Variants in CACNA2D3 observed in about 807,000 individuals in gnomAD.
CACNA2D3 encodes calcium voltage-gated channel auxiliary subunit alpha2delta 3, also known as voltage-dependent calcium channel subunit alpha-2/delta-3.
Under a neutral mutation model 160.6 loss-of-function variants are expected in CACNA2D3, and 60 were observed. The observed-to-expected ratio is 0.37, with a 90% CI of 0.30 to 0.46. CACNA2D3 has a LOEUF of 0.46. Ranked by LOEUF, CACNA2D3 falls within the 20% of genes least tolerant of loss-of-function variation. The probability of loss-of-function intolerance (pLI) is 1.00; values close to 1 mark genes in which losing one functional copy is unlikely to be tolerated. For synonymous variants in CACNA2D3, 558 were observed against 492.9 expected (o/e 1.13, Z -1.75); for missense variants, 1,205 against 1,365.0 (o/e 0.88, Z 1.85).
chr3:54,979,775 A>C (rs74691118), intron 29 of CACNA2D3, among the ~76,000 whole-genome samples: 3,508 of 152,272 alleles, frequency 0.023, 82 homozygotes, highest in South Asian at 0.032. Flanking sequence ...CATTATCAGA[A>C]ATCTGCATTC....
chr3:54,883,482 C>T (rs1043227767), intron 21 of CACNA2D3, among the ~76,000 whole-genome samples: 1 of 152,038 alleles, frequency 6.6e-6, no homozygotes, highest in Non-Finnish European at 1.5e-5. Flanking sequence ...TCCTTGGTGC[C>T]CTAGGAACCC....
intron 11 of CACNA2D3, among the ~76,000 whole-genome samples, chr3:54,723,210 A>T (rs912639527): frequency 3.3e-5 from 5 of 152,260 alleles, no homozygotes; most frequent in Non-Finnish European, 7.3e-5. Context: ...CCACCTACTC[A>T]AGCCTCAGCA....
At chr3:54,811,266 A>G (rs1448947978) in intron 13 of CACNA2D3, among the ~76,000 whole-genome samples, 1 of 152,020 alleles carries the variant, frequency 6.6e-6, no homozygotes, top group Non-Finnish European at 1.5e-5. Flanking sequence ...TCATCTTCTC[A>G]GTATGCCTCT....
intron 2 of CACNA2D3, among the ~76,000 whole-genome samples, chr3:54,264,472 A>G (rs1026629444): frequency 6.6e-6 from 1 of 152,216 alleles, no homozygotes; most frequent in East Asian, 1.9e-4. Context: ...TCAAGGGAGC[A>G]TGCTCATCTT....
rs1303595176 is a variant in CACNA2D3, at chr3:54,305,948, G to A, written c.205-14494G>A. 2.0e-5 allele frequency among the ~76,000 whole-genome samples: 3 copies of A among 152,210 alleles called. No individual in the cohort carries two copies. In the East Asian group the frequency reaches 5.8e-4, roughly 29 times the overall value. On this transcript the variant is annotated intron_variant, in intron 2 of 37. Coordinates refer to ENST00000474759, the MANE Select transcript of CACNA2D3 (RefSeq NM_018398.3). ...GCTGTTGCTCATCCTGGACACTGAC[G>A]ATAATGACTCTAGACTCACCACTAG...
At chr3:54,841,362 G>A (rs1356218346) in intron 16 of CACNA2D3, among the ~76,000 whole-genome samples, 1 of 152,212 alleles carries the variant, frequency 6.6e-6, no homozygotes, top group Non-Finnish European at 1.5e-5. Flanking sequence ...AAATTAACCA[G>A]CAGTGCTTGA....
At chr3:54,640,818 C>G (rs1699501072) in intron 10 of CACNA2D3, among the ~76,000 whole-genome samples, 1 of 152,176 alleles carries the variant, frequency 6.6e-6, no homozygotes, top group African/African-American at 2.4e-5. Flanking sequence ...ATCAGATCCA[C>G]CCGAACTAGC....
At chr3:54,162,857 C>T (rs1700373235) in intron 2 of CACNA2D3, among the ~76,000 whole-genome samples, 1 of 151,972 alleles carries the variant, frequency 6.6e-6, no homozygotes, top group Non-Finnish European at 1.5e-5. Context: ...GGATGAGGAA[C>T]AATGAAATTA....
chr3:54,820,077 G>T (rs1024435506), intron 14 of CACNA2D3, among the ~76,000 whole-genome samples: 1 of 152,140 alleles, frequency 6.6e-6, no homozygotes. Flanking sequence ...TGTTCCAGGG[G>T]TGAAAGAGAG....
intron 11 of CACNA2D3, among the ~76,000 whole-genome samples, chr3:54,696,084 C>G (rs969323501): frequency 6.6e-6 from 1 of 152,066 alleles, no homozygotes; most frequent in Non-Finnish European, 1.5e-5. Context: ...TGGCCAGGGT[C>G]GGGGAGTGGG....
intron 17 of CACNA2D3, among the ~76,000 whole-genome samples, chr3:54,859,731 G>T (rs532515870): frequency 3.3e-5 from 5 of 152,170 alleles, no homozygotes; most frequent in Admixed American, 6.5e-5. Flanking sequence ...CTCCAACCTG[G>T]TAGCCTCTGG....
At chr3:54,300,564 T>C (rs61027914) in intron 2 of CACNA2D3, among the ~76,000 whole-genome samples, 20,830 of 152,252 alleles carry the variant, frequency 0.14, 1,492 homozygotes, top group East Asian at 0.23. Context: ...ATTCATGCCT[T>C]TTCTCCCTGT....
intron 3 of CACNA2D3, among the ~76,000 whole-genome samples, chr3:54,351,925 A>G (rs1039758586): frequency 1.3e-5 from 2 of 152,168 alleles, no homozygotes; most frequent in Non-Finnish European, 2.9e-5. Flanking sequence ...CATGTTGGAT[A>G]CCTCCTCTGC....
chr3:54,989,426 T>A (rs114172300), intron 31 of CACNA2D3, among the ~76,000 whole-genome samples: 4 of 152,306 alleles, frequency 2.6e-5, no homozygotes, highest in African/African-American at 9.6e-5. Flanking sequence ...GGAACTCAGT[T>A]ATTACAGCAA....
At chr3:54,837,892 G>A (rs867791297) in intron 15 of CACNA2D3, among the ~76,000 whole-genome samples, 1 of 152,066 alleles carries the variant, frequency 6.6e-6, no homozygotes, top group African/African-American at 2.4e-5. Context: ...TAACAATTAC[G>A]TATGCAAAGA....
At chr3:54,283,456 A>G (rs1249394362) in intron 2 of CACNA2D3, among the ~76,000 whole-genome samples, 3 of 152,256 alleles carry the variant, frequency 2.0e-5, no homozygotes, top group Non-Finnish European at 4.4e-5. Context: ...ACATGAGAAC[A>G]AGATATTTAA....
intron 13 of CACNA2D3, among the ~76,000 whole-genome samples, chr3:54,785,744 T>C (rs1256890983): frequency 2.0e-5 from 3 of 152,222 alleles, no homozygotes; most frequent in Admixed American, 1.3e-4. Flanking sequence ...TACCAAAAGA[T>C]AGTGGCCCAG....
intron 3 of CACNA2D3, among the ~76,000 whole-genome samples, chr3:54,331,887 C>T (rs1371249193): frequency 6.6e-6 from 1 of 152,160 alleles, no homozygotes; most frequent in Admixed American, 6.5e-5. Context: ...CCAGTCTGGT[C>T]CCATTCATAG....
At chr3:54,210,424 T>TTGTG (rs148099415) in intron 2 of CACNA2D3, among the ~76,000 whole-genome samples, 1 of 151,406 alleles carries the variant, frequency 6.6e-6, no homozygotes, top group Admixed American at 6.6e-5. Context: ...TGCAAAGTTT[T>TTGTG]TGTGTGTGTG....
Sources: allele counts gnomAD v4.1 joint callset (sites outside exome capture counted in the v4.1 genomes callset), GRCh38; gene constraint gnomAD v4.1.1; transcripts MANE v1.5; gene names NCBI Gene and HGNC (gene_info 2026-07-23, HGNC 2026-07-21).